The following GPATCH1 variants were observed in gnomAD, a reference collection of about 807,000 sequenced individuals.
The protein encoded by GPATCH1 is G patch domain-containing protein 1.
GPATCH1 carries 73 observed loss-of-function variants against 114.9 expected under a neutral mutation model. The observed-to-expected ratio is 0.64, with a 90% confidence interval of 0.53 to 0.77. GPATCH1 has a LOEUF of 0.77. Ranked by LOEUF, GPATCH1 falls within the 30% of genes least tolerant of loss-of-function variation. The pLI is 0.00. For missense variants in GPATCH1, 1,058 were observed against 1,144.3 expected (o/e 0.92, Z 1.09); for synonymous variants, 391 against 428.4 (o/e 0.91, Z 1.08).
At chr19:33,103,395 T>A (rs990672648) in intron 9 of GPATCH1, among the ~76,000 whole-genome samples, 3 of 152,140 alleles carry the variant, frequency 2.0e-5, no homozygotes, top group Non-Finnish European at 2.9e-5. Context: ...GCAGGTGTTT[T>A]ACATGTATGA....
At chr19:33,115,924 C>T (rs1972911887) in intron 15 of GPATCH1, among the ~76,000 whole-genome samples, 1 of 152,084 alleles carries the variant, frequency 6.6e-6, no homozygotes, top group Non-Finnish European at 1.5e-5. Flanking sequence ...GTTATATTTT[C>T]TGTTTATTAC....
In GPATCH1 at chr19:33,101,498, C is replaced by T; in HGVS notation, c.1004C>T (p.Ser335Leu). 6.4e-7 allele frequency: 1 copy of T among 1,554,116 alleles called. No homozygotes were observed. Among genetic ancestry groups the T allele is most frequent in the Non-Finnish European group, 8.9e-7 (1 of 1,125,544 alleles). The change falls in exon 9 of 20, where the codon TCA (serine) becomes TTA (leucine). Residue 335 changes from serine to leucine, a missense_variant. Physicochemically the swap from Ser to Leu is moderately radical, Grantham distance 145. Coordinates refer to ENST00000170564, the MANE Select transcript of GPATCH1 (RefSeq NM_018025.3). ...APRQYKNQKE[S>L]EKDLRYVGKI... ...AATCTATGACATCATTTTGTAGAAT[C>T]AGAGAAAGACCTTCGGTACGTTGGC...
rs779447056 is a variant in GPATCH1 at position 33,101,551 on chromosome 19, T to A, written c.1057T>A (p.Ser353Thr). The change falls in exon 9 of 20, where the codon TCT becomes ACT. Residue 353 changes from serine (S) to threonine (T), a missense_variant. Physicochemically the swap from Ser to Thr is moderately conservative, Grantham distance 58. Coordinates refer to ENST00000170564, the MANE Select transcript of GPATCH1 (RefSeq NM_018025.3). Reference protein sequence around the residue: ...GKILDGFSLASKPLSSKKIYP... With the variant: ...GKILDGFSLATKPLSSKKIYP... ...AATTTTGGATGGATTTTCCTTGGCT[T>A]CTAAACCTTTATCTTCTAAGAAAGT... The A allele has an allele frequency of 1.3e-6, 2 of 1,593,004 alleles. No individual in the cohort carries two copies. Among genetic ancestry groups the A allele is most frequent in the South Asian group, 1.1e-5 (1 of 90,344 alleles).
intron 18 of GPATCH1, among the ~76,000 whole-genome samples, chr19:33,126,233 A>G (rs1973039204): frequency 6.6e-6 from 1 of 152,190 alleles, no homozygotes; most frequent in African/African-American, 2.4e-5. Context: ...GAAGTTTCCC[A>G]GGGGTCTGAC....
chr19:33,122,666 C>A (rs1319599100), intron 17 of GPATCH1, among the ~76,000 whole-genome samples: 1 of 152,080 alleles, frequency 6.6e-6, no homozygotes, highest in Non-Finnish European at 1.5e-5. Context: ...AAAGCCAAGT[C>A]TTTTATGTCC....
chr19:33,109,413 T>G (rs10423965), intron 10 of GPATCH1, among the ~76,000 whole-genome samples: 86,190 of 151,850 alleles, frequency 0.57, 29,260 homozygotes, highest in East Asian at 0.99. Flanking sequence ...GGCTACTCGG[T>G]GGGGATGAGA....
intron 11 of GPATCH1, 141 bp from the exon 12 acceptor site, chr19:33,111,583 C>A: frequency 1.2e-6 from 1 of 800,648 alleles, no homozygotes; most frequent in South Asian, 1.8e-5. Flanking sequence ...CTGCCAAATA[C>A]CTCACCATTC....
chr19:33,088,091 C>T, intron 1 of GPATCH1, 43 bp from the exon 2 acceptor site: 1 of 1,249,688 alleles, frequency 8.0e-7, no homozygotes, highest in South Asian at 1.6e-5. Context: ...CGACCATCTC[C>T]TCTCTTTTTC....
At position 33,109,751 on chromosome 19, in the gene GPATCH1, A is replaced by G; in HGVS notation, c.1320A>G (p.Gln440=). 6.3e-7 allele frequency: 1 copy of G among 1,585,132 alleles called. No homozygotes were observed. The highest frequency in any genetic ancestry group is 1.1e-5 in the South Asian group (1 of 87,174). Reference sequence around the variant, plus strand: ...CTTCAGTGTTAGAATTTCTGTCCCAAAAAGACAAAGAGAGAATCAAAGAAA... The same window carrying G: ...CTTCAGTGTTAGAATTTCTGTCCCAGAAAGACAAAGAGAGAATCAAAGAAA... ...SATSVLEFLS[Q]KDKERIKEMK... is the part of the protein sequence containing the mutation. Residue 440 remains glutamine (Q), a synonymous_variant, in exon 11 of 20, where the codon CAA becomes CAG. Coordinates refer to ENST00000170564, the MANE Select transcript of GPATCH1 (RefSeq NM_018025.3).
intron 1 of GPATCH1, among the ~76,000 whole-genome samples, chr19:33,084,808 A>ATG (rs1972518707): frequency 2.6e-5 from 4 of 151,878 alleles, no homozygotes; most frequent in African/African-American, 9.7e-5. Context: ...TTACAGGCGC[A>ATG]TGCCACCACG....
chr19:33,081,657 GT>G (rs1399749056), intron 1 of GPATCH1, among the ~76,000 whole-genome samples: 1 of 152,154 alleles, frequency 6.6e-6, no homozygotes, highest in African/African-American at 2.4e-5. Flanking sequence ...GGAACATAAA[GT>G]GGCAAAGGCC....
intron 19 of GPATCH1, 101 bp from the exon 20 acceptor site, chr19:33,130,029 C>A: frequency 1.2e-6 from 1 of 801,358 alleles, no homozygotes; most frequent in Non-Finnish European, 2.2e-6. Context: ...AGACATGCTG[C>A]TGTGATATGG....
chr19:33,085,379 C>T (rs898951731), intron 1 of GPATCH1, among the ~76,000 whole-genome samples: 1 of 152,032 alleles, frequency 6.6e-6, no homozygotes, highest in Non-Finnish European at 1.5e-5. Flanking sequence ...ACCACCATGC[C>T]CGGCTAATTT....
chr19:33,100,107 G>A (rs1372601648), intron 8 of GPATCH1: 3 of 151,012 alleles, frequency 2.0e-5, no homozygotes, highest in Non-Finnish European at 4.4e-5. Context: ...TTTTTTCCAT[G>A]ATCAATAGGG....
At chr19:33,088,735 C>A (rs1972562277) in intron 2 of GPATCH1, among the ~76,000 whole-genome samples, 1 of 147,650 alleles carries the variant, frequency 6.8e-6, no homozygotes, top group Non-Finnish European at 1.5e-5. Flanking sequence ...TGGCTCACTG[C>A]AACCTCCGCC....
rs1289186010 is a variant in GPATCH1, at chr19:33,088,150, A to G, written c.90A>G (p.Lys30=). Reference sequence around the variant, plus strand: ...TTTTTTTAGGTGAAAGACCAAAGAAACCAATCCCTCTTCAGGATCAGACTG... The same window carrying G: ...TTTTTTTAGGTGAAAGACCAAAGAAGCCAATCCCTCTTCAGGATCAGACTG... The part of the protein sequence containing the change: ...EPLEEGERPK[K]PIPLQDQTVR... The change falls in exon 2 of 20, where the codon AAA becomes AAG. Residue 30 remains lysine, a synonymous_variant. Coordinates refer to ENST00000170564, the MANE Select transcript of GPATCH1 (RefSeq NM_018025.3). 6.4e-7 allele frequency: 1 copy of G among 1,552,494 alleles called. No individual in the cohort carries two copies.
chr19:33,116,375 T>C (rs117557275), intron 15 of GPATCH1, among the ~76,000 whole-genome samples: 3 of 152,364 alleles, frequency 2.0e-5, no homozygotes, highest in Non-Finnish European at 4.4e-5. Flanking sequence ...CTATCATTTC[T>C]GTCTGAGGAA....
intron 11 of GPATCH1, 92 bp from the exon 12 acceptor site, chr19:33,111,632 T>C (rs1599861741): frequency 1.8e-6 from 2 of 1,100,198 alleles, no homozygotes; most frequent in Non-Finnish European, 2.7e-6. Flanking sequence ...TTATGAAATA[T>C]ACAGGGATAC....
At position 33,084,089 on chromosome 19, in the gene GPATCH1, C is replaced by T. The variant is rs568506278; in HGVS notation, c.73+2823C>T. 1.7e-4 allele frequency among the ~76,000 whole-genome samples: 26 copies of T among 152,224 alleles called. No individual in the cohort carries two copies. In the East Asian group the frequency reaches 4.4e-3, roughly 26 times the overall value. On this transcript the variant is annotated intron_variant, in intron 1 of 19. Coordinates refer to ENST00000170564, the MANE Select transcript of GPATCH1 (RefSeq NM_018025.3). ...CCTCCCAAAGTGCTGGGATTACAGG[C>T]GTGAGCCACCATGCCCAGCCAGTTT...
Sources: gnomAD v4.1 joint callset for allele counts (sites outside exome capture counted in the v4.1 genomes callset) on GRCh38, gnomAD v4.1.1 for gene constraint, MANE v1.5 for transcripts, NCBI Gene and HGNC (gene_info 2026-07-23, HGNC 2026-07-21) for gene names.